Variants in CNTN5 observed in about 807,000 individuals in gnomAD.
CNTN5 encodes the protein contactin 5, also known as contactin-5.
CNTN5 carries 77 observed loss-of-function variants against 129.1 expected under a neutral mutation model. The observed-to-expected ratio is 0.60, with a 90% CI of 0.50 to 0.72. The LOEUF is 0.72. CNTN5 is among the 30% of genes least tolerant of loss of function. The pLI is 0.00. For synonymous variants in CNTN5, 509 were observed against 465.6 expected (o/e 1.09, Z -1.20); for missense variants, 1,478 against 1,328.8 (o/e 1.11, Z -1.75).
chr11:99,407,066 A>T (rs1942106104), intron 2 of CNTN5, among the ~76,000 whole-genome samples: 1 of 152,126 alleles, frequency 6.6e-6, no homozygotes, highest in South Asian at 2.1e-4. Context: ...CGAGTACCTA[A>T]CATGAAAGAA....
At chr11:99,817,414 C>A (rs938216211) in intron 3 of CNTN5, among the ~76,000 whole-genome samples, 5 of 152,128 alleles carry the variant, frequency 3.3e-5, no homozygotes, top group Admixed American at 1.3e-4. Context: ...CATTTGTGTA[C>A]CACTTAGTAT....
At chr11:99,932,520 C>T (rs1950216275) in intron 7 of CNTN5, among the ~76,000 whole-genome samples, 1 of 152,050 alleles carries the variant, frequency 6.6e-6, no homozygotes, top group African/African-American at 2.4e-5. Flanking sequence ...AAAGTACATA[C>T]CTTAAAATAA....
At chr11:100,075,799 G>C (rs1190405735) in intron 13 of CNTN5, among the ~76,000 whole-genome samples, 1 of 152,090 alleles carries the variant, frequency 6.6e-6, no homozygotes, top group Non-Finnish European at 1.5e-5. Context: ...CCTTGGGGGA[G>C]AGAATTCTGG....
chr11:99,704,411 C>A (rs1486355131), intron 3 of CNTN5, among the ~76,000 whole-genome samples: 1 of 150,880 alleles, frequency 6.6e-6, no homozygotes, highest in African/African-American at 2.4e-5. Flanking sequence ...TTAAGTTGTG[C>A]ACTCTACAAC....
At chr11:99,648,543 A>G (rs1044164778) in intron 3 of CNTN5, among the ~76,000 whole-genome samples, 1 of 151,918 alleles carries the variant, frequency 6.6e-6, no homozygotes, top group East Asian at 1.9e-4. Context: ...GCACTACCAT[A>G]TGATTCATTA....
Position 100,284,435 on chromosome 11 carries a change from C to T in CNTN5, c.2315-13190C>T, listed in dbSNP as rs936011723. 1.6e-4 allele frequency among the ~76,000 whole-genome samples: 24 copies of T among 152,108 alleles called. 1 individual carries two copies. Among genetic ancestry groups the T allele is most frequent in the Non-Finnish European group, 4.4e-5 (3 of 68,022 alleles). On this transcript the variant is annotated intron_variant, in intron 18 of 24. Transcript: ENST00000524871. ...CAGCCCTGTGTTTAATTTTTGAAATCTGTTAATATCATCAAACCAATATAT... is the reference window on the plus strand; with the variant it reads ...CAGCCCTGTGTTTAATTTTTGAAATTTGTTAATATCATCAAACCAATATAT...
At chr11:99,111,356 G>C (rs1292080426) in intron 1 of CNTN5, among the ~76,000 whole-genome samples, 1 of 151,758 alleles carries the variant, frequency 6.6e-6, no homozygotes, top group Non-Finnish European at 1.5e-5. Flanking sequence ...TGTAGGAGTT[G>C]GTTGGCCAAA....
intron 15 of CNTN5, among the ~76,000 whole-genome samples, chr11:100,200,462 C>T (rs1191559043): frequency 6.6e-6 from 1 of 151,874 alleles, no homozygotes; most frequent in Non-Finnish European, 1.5e-5. Flanking sequence ...TTGGAAGTTC[C>T]ATTTTTGATA....
chr11:99,761,142 C>T (rs1219047), intron 3 of CNTN5, among the ~76,000 whole-genome samples: 3 of 151,652 alleles, frequency 2.0e-5, no homozygotes, highest in Admixed American at 1.3e-4. Context: ...TTGGGTAAAA[C>T]GTGATAAGAA....
At chr11:99,302,919 T>C (rs935548870) in intron 1 of CNTN5, among the ~76,000 whole-genome samples, 8 of 151,284 alleles carry the variant, frequency 5.3e-5, no homozygotes, top group Non-Finnish European at 1.2e-4. Context: ...TAAGTAAATA[T>C]TAATATTTAA....
At chr11:99,230,371 G>A (rs1183817946) in intron 1 of CNTN5, among the ~76,000 whole-genome samples, 2 of 151,972 alleles carry the variant, frequency 1.3e-5, no homozygotes, top group Admixed American at 6.6e-5. Flanking sequence ...TTTTTGAGGG[G>A]AATTCAACTG....
At chr11:99,278,903 C>A (rs925666807) in intron 1 of CNTN5, among the ~76,000 whole-genome samples, 1 of 151,702 alleles carries the variant, frequency 6.6e-6, no homozygotes, top group Admixed American at 6.6e-5. Context: ...ATCAATGAGT[C>A]CTGTCAATAT....
chr11:99,238,311 T>TA (rs1263636451), intron 1 of CNTN5, among the ~76,000 whole-genome samples: 6 of 152,178 alleles, frequency 3.9e-5, no homozygotes, highest in Non-Finnish European at 8.8e-5. Flanking sequence ...TTGGTTTATA[T>TA]AAAAAACATG....
chr11:100,267,852 G>A (rs979223984), intron 17 of CNTN5, among the ~76,000 whole-genome samples: 12 of 152,152 alleles, frequency 7.9e-5, no homozygotes, highest in Non-Finnish European at 1.2e-4. Flanking sequence ...TAAGTGAAGA[G>A]TGACTAAACT....
intron 1 of CNTN5, among the ~76,000 whole-genome samples, chr11:99,073,373 GGT>G (rs376666540): frequency 0.16 from 14,044 of 87,400 alleles, 633 homozygotes; most frequent in East Asian, 0.32. Context: ...TTTATGGTTT[GGT>G]TTTTTTTTTT....
At chr11:99,360,259 C>T (rs544537465) in intron 2 of CNTN5, among the ~76,000 whole-genome samples, 1 of 152,262 alleles carries the variant, frequency 6.6e-6, no homozygotes, top group South Asian at 2.1e-4. Context: ...ATTAAAGTCA[C>T]ATGTCTGTAG....
intron 1 of CNTN5, among the ~76,000 whole-genome samples, chr11:99,094,615 A>C: frequency 6.6e-6 from 1 of 152,010 alleles, no homozygotes. Context: ...GGAAAAAAGA[A>C]AAATTTACAC....
intron 3 of CNTN5, among the ~76,000 whole-genome samples, chr11:99,734,207 C>T (rs1943626525): frequency 6.6e-6 from 1 of 152,202 alleles, no homozygotes; most frequent in Non-Finnish European, 1.5e-5. Flanking sequence ...GAGTATCCAT[C>T]ACCTTAAACA....
At chr11:100,219,120 T>C (rs1949206984) in intron 15 of CNTN5, among the ~76,000 whole-genome samples, 1 of 152,110 alleles carries the variant, frequency 6.6e-6, no homozygotes, top group Non-Finnish European at 1.5e-5. Flanking sequence ...AAATAACAGA[T>C]CCATCTCTCC....
Sources: allele counts gnomAD v4.1 joint callset (sites outside exome capture counted in the v4.1 genomes callset), GRCh38; gene constraint gnomAD v4.1.1; transcripts MANE v1.5; gene names NCBI Gene and HGNC (gene_info 2026-07-23, HGNC 2026-07-21).